Variants in WARS1 observed in about 807,000 individuals in gnomAD.
The protein encoded by WARS1 is tryptophan--tRNA ligase, cytoplasmic.
WARS1 carries 17 observed loss-of-function variants against 47.8 expected under a neutral mutation model. The ratio of observed to expected loss-of-function variants is 0.36; its 90% CI spans 0.24 to 0.53. The LOEUF is 0.53. Ranked by LOEUF, WARS1 falls within the 20% of genes least tolerant of loss-of-function variation. WARS1 has a pLI of 0.91. For missense variants in WARS1, 434 were observed against 608.0 expected (o/e 0.71, Z 3.01); for synonymous variants, 208 against 228.1 (o/e 0.91, Z 0.79).
chr14:100,372,408 G>C (rs1201423434), intron 1 of WARS1, among the ~76,000 whole-genome samples: 1 of 152,166 alleles, frequency 6.6e-6, no homozygotes. Flanking sequence ...AACCGGGACA[G>C]GACAGCAGCC....
chr14:100,335,102 CG>C, intron 10 of WARS1, 66 bp from the exon 11 acceptor site: 1 of 1,538,538 alleles, frequency 6.5e-7, no homozygotes. Context: ...CTTCCTGCCT[CG>C]GGCACCAGCT....
intron 7 of WARS1, 114 bp downstream of exon 7, chr14:100,346,632 A>G: frequency 1.2e-6 from 1 of 849,608 alleles, no homozygotes. Flanking sequence ...TTAAAGAGAC[A>G]GTTGCAAACG....
chr14:100,344,165 C>T (rs1894369590), intron 7 of WARS1, among the ~76,000 whole-genome samples: 1 of 152,206 alleles, frequency 6.6e-6, no homozygotes, highest in South Asian at 2.1e-4. Context: ...GCCATCTCGG[C>T]TCACTGCAAC....
intron 1 of WARS1, 87 bp downstream of exon 1, chr14:100,375,196 C>G (rs534567218): frequency 6.6e-6 from 1 of 152,210 alleles, no homozygotes; most frequent in South Asian, 2.1e-4. Flanking sequence ...TCCTAAGACA[C>G]AAGTCCTGAC....
chr14:100,355,207 GTGTT>G (rs1053932688), intron 4 of WARS1, among the ~76,000 whole-genome samples: 53 of 152,148 alleles, frequency 3.5e-4, no homozygotes, highest in African/African-American at 8.2e-4. Context: ...CTCTGGGAAT[GTGTT>G]TGTTTGTTTG....
At chr14:100,336,695 C>T (rs1893756935) in intron 10 of WARS1, 1 of 173,684 alleles carries the variant, frequency 5.8e-6, no homozygotes, top group African/African-American at 2.4e-5. Context: ...CTTGAGTGTG[C>T]CTTGAAGCAT....
At chr14:100,371,079 A>T (rs977884579) in intron 1 of WARS1, among the ~76,000 whole-genome samples, 14 of 152,264 alleles carry the variant, frequency 9.2e-5, no homozygotes, top group Non-Finnish European at 4.4e-5. Flanking sequence ...ACTTATCTTT[A>T]TGAACCAAAC....
chr14:100,358,202 G>A lies in WARS1; in HGVS notation c.422+2352C>T, dbSNP rs573340923. On this transcript the variant is annotated intron_variant, in intron 4 of 10. Coordinates refer to ENST00000392882, the MANE Select transcript of WARS1 (RefSeq NM_004184.4). ...GGCTGGAGTGCAGTGGCGCGATCTC[G>A]GCTCACTGCAAGCTCCGCCTCCCGG... is the stretch of plus-strand genomic sequence containing the variant. Among the ~76,000 whole-genome samples the A allele has an allele frequency of 8.1e-4, 123 of 151,998 alleles. 2 individuals are homozygous for A. Among genetic ancestry groups the A allele is most frequent in the Middle Eastern group, 3.4e-3 (1 of 294 alleles).
chr14:100,362,199 T>C (rs1895704441), intron 2 of WARS1, among the ~76,000 whole-genome samples: 1 of 152,202 alleles, frequency 6.6e-6, no homozygotes, highest in South Asian at 2.1e-4. Context: ...ATGAACACTT[T>C]GGGACAGTAG....
At position 100,369,134 on chromosome 14, in the gene WARS1, T is replaced by C. The variant is rs893565348; in HGVS notation, c.52A>G (p.Thr18Ala). 1 of 1,572,394 alleles carries C rather than the reference T, an allele frequency of 6.4e-7. No individual in the cohort carries two copies. The highest frequency in any genetic ancestry group is 1.4e-5 in the African/African-American group (1 of 73,792). Residue 18 changes from threonine to alanine, a missense_variant, in exon 2 of 11, where the codon ACA becomes GCA. Physicochemically the swap from Thr to Ala is moderately conservative, Grantham distance 58. This residue lies in a region of WARS1 where 87 missense variants were observed against 84.2 expected (regional missense o/e 1.03). Transcript: ENST00000392882. ...AGGGACCTTACGAGCTCCCCTTGTG[T>C]GGCGATGCTGTTGAACAGCTCCAGC... is the stretch of plus-strand genomic sequence containing the variant. ...SLLELFNSIA[T>A]QGELVRSLKA...
intron 1 of WARS1, among the ~76,000 whole-genome samples, chr14:100,372,865 G>A (rs1896431911): frequency 6.6e-6 from 1 of 152,174 alleles, no homozygotes; most frequent in Middle Eastern, 3.4e-3. Context: ...GCTGCTCCCT[G>A]CTGCCTGCCT....
intron 7 of WARS1, among the ~76,000 whole-genome samples, chr14:100,344,651 C>T (rs1390919404): frequency 6.7e-6 from 1 of 149,394 alleles, no homozygotes; most frequent in East Asian, 2.0e-4. Context: ...CGCCTCTTCC[C>T]GGCCGCCATC....
intron 2 of WARS1, among the ~76,000 whole-genome samples, chr14:100,363,601 G>A (rs527309794): frequency 6.6e-6 from 1 of 152,266 alleles, no homozygotes; most frequent in African/African-American, 2.4e-5. Flanking sequence ...GGAGGCTGAA[G>A]TCAGAGGATT....
intron 7 of WARS1, among the ~76,000 whole-genome samples, chr14:100,344,834 A>C (rs201361635): frequency 4.4e-5 from 6 of 136,400 alleles, no homozygotes; most frequent in East Asian, 2.3e-4. Flanking sequence ...AAGTGAGGAG[A>C]CCCTCCGCCC....
At chr14:100,354,802 G>A (rs1895208214) in intron 4 of WARS1, among the ~76,000 whole-genome samples, 1 of 152,170 alleles carries the variant, frequency 6.6e-6, no homozygotes, top group South Asian at 2.1e-4. Context: ...GTGTTTAAAA[G>A]ATGGATCCAG....
chr14:100,357,576 C>A (rs1020412159), intron 4 of WARS1, among the ~76,000 whole-genome samples: 21 of 151,952 alleles, frequency 1.4e-4, no homozygotes, highest in Non-Finnish European at 2.9e-5. Context: ...ATTCTCCTGC[C>A]TTAGCCTCTT....
chr14:100,337,137 G>A lies in WARS1; in HGVS notation c.1179C>T (p.Asn393=). 1.2e-6 allele frequency: 2 copies of A among 1,614,214 alleles called. No homozygotes were observed. The highest frequency in any genetic ancestry group is 1.7e-6 in the Non-Finnish European group (2 of 1,180,034). Residue 393 remains asparagine (N), a synonymous_variant, in exon 10 of 11, where the codon AAC becomes AAT. Coordinates refer to ENST00000392882, the MANE Select transcript of WARS1 (RefSeq NM_004184.4). ...ACATGAAAGACACGTCCACATCACA[G>A]TTGCCCCCAAACTGCCTGTGCTCCT... ...TIEEHRQFGG[N]CDVDVSFMYL...
chr14:100,361,276 CA>C (rs1325619365), intron 3 of WARS1, among the ~76,000 whole-genome samples: 3 of 152,234 alleles, frequency 2.0e-5, no homozygotes, highest in Non-Finnish European at 4.4e-5. Flanking sequence ...AAGGGCATGA[CA>C]GTAAGAACTT....
At chr14:100,365,816 A>G (rs904290890) in intron 2 of WARS1, 1 of 246,844 alleles carries the variant, frequency 4.1e-6, no homozygotes, top group Non-Finnish European at 8.2e-6. Flanking sequence ...GAAGCCAGAA[A>G]GCTGATGAAT....
Sources: gnomAD v4.1 joint callset for allele counts (sites outside exome capture counted in the v4.1 genomes callset) on GRCh38, gnomAD v4.1.1 for gene constraint, gnomAD v4.1.1 regional missense constraint, MANE v1.5 for transcripts, NCBI Gene and HGNC (gene_info 2026-07-23, HGNC 2026-07-21) for gene names.